Variants in MAN2A1 observed in about 807,000 individuals in gnomAD.
MAN2A1 encodes mannosidase alpha class 2A member 1.
In MAN2A1, 76 loss-of-function variants were observed where a neutral mutation model predicts 142.6. That is an observed-to-expected ratio of 0.53 (90% CI 0.44 to 0.65). The LOEUF is 0.65. Among genes scored for constraint, MAN2A1 ranks in the 30% least tolerant of loss-of-function variants. The pLI is 0.00. For missense variants in MAN2A1, 1,311 were observed against 1,365.1 expected, an observed-to-expected ratio of 0.96 and a Z score of 0.62; for synonymous variants, 559 against 473.2, an observed-to-expected ratio of 1.18 and a Z score of -2.35.
chr5:109,804,098 CA>C (rs1489342653), intron 12 of MAN2A1: 1 of 873,798 alleles, frequency 1.1e-6, no homozygotes, highest in Non-Finnish European at 1.4e-6. Flanking sequence ...AGTGATGTGG[CA>C]TATTTCAAAG....
At chr5:109,851,483 G>A (rs963319752) in intron 19 of MAN2A1, among the ~76,000 whole-genome samples, 6 of 152,110 alleles carry the variant, frequency 3.9e-5, no homozygotes, top group Non-Finnish European at 1.5e-5. Context: ...AGTTATTGCA[G>A]GAGTGGCTTT....
chr5:109,820,060 G>A (rs1754582713), intron 14 of MAN2A1, among the ~76,000 whole-genome samples, 160 bp from the exon 15 acceptor site: 2 of 152,218 alleles, frequency 1.3e-5, no homozygotes, highest in African/African-American at 4.8e-5. Context: ...CTGCTCACAT[G>A]TATAGTCTGT....
chr5:109,777,215 TTGTTCCACACCCTTTCTC>T, intron 8 of MAN2A1, among the ~76,000 whole-genome samples: 1 of 152,274 alleles, frequency 6.6e-6, no homozygotes, highest in East Asian at 1.9e-4. Flanking sequence ...AGAGGTTCAG[TTGTTCCACACCCTTTCTC>T]AGTTTGTATT....
At chr5:109,788,150 A>C (rs978768268) in intron 10 of MAN2A1, among the ~76,000 whole-genome samples, 1 of 151,492 alleles carries the variant, frequency 6.6e-6, no homozygotes, top group African/African-American at 2.4e-5. Flanking sequence ...GTTTCTACGT[A>C]CTTCTCCAAT....
intron 12 of MAN2A1, among the ~76,000 whole-genome samples, chr5:109,813,009 AT>A (rs919770351): frequency 4.1e-4 from 63 of 152,220 alleles, no homozygotes; most frequent in African/African-American, 1.3e-3. Context: ...AAAAATATGT[AT>A]TTTTTTAATC....
chr5:109,843,259 A>G (rs1188315997), intron 17 of MAN2A1, among the ~76,000 whole-genome samples: 1 of 152,162 alleles, frequency 6.6e-6, no homozygotes, highest in South Asian at 2.1e-4. Context: ...GAAGCAGACA[A>G]GTCTTACATG....
Position 109,690,096 on chromosome 5 carries a change from C to A in MAN2A1, c.-322C>A. The A allele has an allele frequency of 3.4e-6, 1 of 291,860 alleles. No homozygotes were observed. Among genetic ancestry groups the A allele is most frequent in the South Asian group, 4.1e-5 (1 of 24,452 alleles). The allele number at this position is 291,860 out of a possible 1,614,324, so 18.1% of individuals were successfully genotyped here. A position where few individuals can be genotyped will look rare whatever the true frequency, so the allele number is the denominator to read the frequency against. On this transcript the variant is annotated 5_prime_UTR_variant, in exon 1 of 22. Coordinates refer to ENST00000261483, the MANE Select transcript of MAN2A1 (RefSeq NM_002372.4). ...AGTGCGGGCAGCGACCTCTCCTCCGCCTGCCCCGCGCGCCCTGCCGGAGGT... is the reference window on the plus strand; with the variant it reads ...AGTGCGGGCAGCGACCTCTCCTCCGACTGCCCCGCGCGCCCTGCCGGAGGT...
At chr5:109,843,389 C>G (rs139967190) in intron 17 of MAN2A1, among the ~76,000 whole-genome samples, 175 of 152,270 alleles carry the variant, frequency 1.1e-3, no homozygotes, top group African/African-American at 3.1e-3. Context: ...ATGATCTAGT[C>G]TCTGCCCACC....
intron 4 of MAN2A1, among the ~76,000 whole-genome samples, chr5:109,748,474 G>A (rs996005953): frequency 6.7e-6 from 1 of 150,370 alleles, no homozygotes; most frequent in East Asian, 2.0e-4. Context: ...AGTGTTAAAT[G>A]ATGAACAAAA....
At chr5:109,736,423 A>G (rs1010077029) in intron 4 of MAN2A1, among the ~76,000 whole-genome samples, 4 of 152,126 alleles carry the variant, frequency 2.6e-5, no homozygotes, top group East Asian at 1.9e-4. Flanking sequence ...AGGCTGAGGT[A>G]GGAGGATCAA....
intron 10 of MAN2A1, 129 bp from the exon 11 acceptor site, chr5:109,788,805 A>G (rs1377914821): frequency 8.5e-6 from 5 of 586,908 alleles, no homozygotes; most frequent in African/African-American, 5.7e-5. Flanking sequence ...TTTGTCATAG[A>G]TTCATTATAG....
intron 1 of MAN2A1, among the ~76,000 whole-genome samples, chr5:109,698,715 A>G (rs1333100395): frequency 6.6e-6 from 1 of 152,178 alleles, no homozygotes; most frequent in Non-Finnish European, 1.5e-5. Flanking sequence ...TTGCTGGTGC[A>G]CTTCATTGGC....
intron 15 of MAN2A1, among the ~76,000 whole-genome samples, chr5:109,822,391 A>G (rs185311142): frequency 2.8e-4 from 43 of 152,272 alleles, no homozygotes; most frequent in African/African-American, 9.4e-4. Flanking sequence ...TAATTTATTT[A>G]AAACCATTTT....
intron 12 of MAN2A1, among the ~76,000 whole-genome samples, chr5:109,816,266 A>G (rs1156441590): frequency 6.6e-6 from 1 of 152,242 alleles, no homozygotes; most frequent in East Asian, 1.9e-4. Flanking sequence ...GTAAAAATTA[A>G]ATGTTATGTG....
intron 20 of MAN2A1, 32 bp downstream of exon 20, chr5:109,855,366 A>C: frequency 7.3e-7 from 1 of 1,366,940 alleles, no homozygotes; most frequent in East Asian, 2.7e-5. Context: ...ATAAAAAATT[A>C]CTGTTTATTA....
intron 1 of MAN2A1, 64 bp from the exon 2 acceptor site, chr5:109,713,456 T>G: frequency 7.3e-7 from 1 of 1,364,500 alleles, no homozygotes; most frequent in Non-Finnish European, 9.8e-7. Flanking sequence ...AAAAAAAAAA[T>G]GTGTATGCCT....
At chr5:109,710,937 G>A (rs1273188160) in intron 1 of MAN2A1, among the ~76,000 whole-genome samples, 1 of 152,140 alleles carries the variant, frequency 6.6e-6, no homozygotes, top group Non-Finnish European at 1.5e-5. Context: ...TGATCCGCCC[G>A]CTTCGGACTC....
rs777574808 is a variant in MAN2A1, at chr5:109,716,143, T to C, written c.414T>C (p.Ile138=). The C allele has an allele frequency of 3.4e-5, 54 of 1,609,704 alleles. 1 individual carries two copies. The South Asian group carries it at 6.0e-4, about 18-fold the overall frequency. Residue 138 remains isoleucine, a synonymous_variant, in exon 3 of 22, where the codon ATT becomes ATC. Transcript: ENST00000261483. ...DVQMLDVYSL[I]SFDNPDGGVW... is the part of the protein sequence containing the mutation. ...AGATGTTGGATGTTTACAGTCTAAT[T>C]TCTTTTGACAATCCAGATGGTGGAG...
intron 8 of MAN2A1, among the ~76,000 whole-genome samples, chr5:109,779,328 T>A (rs1354233969): frequency 6.6e-6 from 1 of 152,226 alleles, no homozygotes; most frequent in Non-Finnish European, 1.5e-5. Context: ...ACTAATTCTG[T>A]AGCATGCTAT....
Sources: gnomAD v4.1 joint callset for allele counts (sites outside exome capture counted in the v4.1 genomes callset) on GRCh38, gnomAD v4.1.1 for gene constraint, MANE v1.5 for transcripts, NCBI Gene and HGNC (gene_info 2026-07-23, HGNC 2026-07-21) for gene names.